Variants in NRXN1 observed in about 807,000 individuals in gnomAD.
NRXN1 encodes neurexin 1.
In NRXN1, 39 loss-of-function variants were observed where a neutral mutation model predicts 150.9. The observed-to-expected ratio is 0.26, with a 90% CI of 0.20 to 0.34. NRXN1 has a LOEUF of 0.34. Among genes scored for constraint, NRXN1 ranks in the 10% least tolerant of loss-of-function variants. NRXN1 has a pLI of 1.00. For synonymous variants in NRXN1, 924 were observed against 757.0 expected (o/e 1.22, Z -3.62); for missense variants, 1,815 against 1,949.9 (o/e 0.93, Z 1.30).
chr2:50,210,146 C>T (rs1915225), intron 18 of NRXN1, among the ~76,000 whole-genome samples: 35,083 of 151,798 alleles, frequency 0.23, 4,467 homozygotes, highest in East Asian at 0.43. Context: ...ATCACAAATT[C>T]GTGCATAAAC....
At chr2:50,041,868 C>A (rs1691025864) in intron 21 of NRXN1, among the ~76,000 whole-genome samples, 1 of 152,072 alleles carries the variant, frequency 6.6e-6, no homozygotes, top group Non-Finnish European at 1.5e-5. Context: ...CTCTAGTAAA[C>A]CTCTGGAACA....
chr2:50,505,601 G>A (rs1041404913), intron 13 of NRXN1, among the ~76,000 whole-genome samples: 47 of 152,122 alleles, frequency 3.1e-4, no homozygotes, highest in African/African-American at 1.1e-3. Context: ...GAACTCCAAT[G>A]ATACTCTTCT....
At chr2:50,745,246 C>A (rs1699870984) in intron 5 of NRXN1, among the ~76,000 whole-genome samples, 1 of 151,822 alleles carries the variant, frequency 6.6e-6, no homozygotes, top group Non-Finnish European at 1.5e-5. Context: ...TATCACAATA[C>A]TTGGTCCATA....
chr2:50,506,669 A>C, intron 12 of NRXN1, 52 bp from the exon 13 acceptor site: 1 of 1,598,132 alleles, frequency 6.3e-7, no homozygotes, highest in East Asian at 2.2e-5. Context: ...AGTCAAGCAA[A>C]TGAACCTCAC....
At chr2:50,239,035 G>A (rs1457054743) in intron 17 of NRXN1, among the ~76,000 whole-genome samples, 1 of 151,910 alleles carries the variant, frequency 6.6e-6, no homozygotes, top group Admixed American at 6.6e-5. Flanking sequence ...AATATACAGA[G>A]TGTAGATCAG....
intron 5 of NRXN1, among the ~76,000 whole-genome samples, chr2:50,773,836 A>C (rs1703292461): frequency 6.6e-6 from 1 of 152,226 alleles, no homozygotes; most frequent in East Asian, 1.9e-4. Flanking sequence ...TGGGTCACAC[A>C]GCTGGAATCA....
rs754290478 is a variant in NRXN1 at position 50,007,700 on chromosome 2, AT to A, written c.4128+45570del. Among the ~76,000 whole-genome samples, 4 of 152,226 alleles carry A rather than the reference AT, an allele frequency of 2.6e-5. No homozygotes were observed. In the South Asian group the frequency reaches 8.3e-4, roughly 32 times the overall value. The stretch of plus-strand genomic sequence containing the variant: ...AGTGCTACAATAAACATACATGTGC[AT>A]GTGTCTTTTATAGTAGAATGATTTA... On this transcript the variant is annotated intron_variant, in intron 21 of 22. Transcript: ENST00000401669.
chr2:50,422,259 T>A (rs1025065119), intron 17 of NRXN1, among the ~76,000 whole-genome samples: 2 of 152,162 alleles, frequency 1.3e-5, no homozygotes, highest in Non-Finnish European at 2.9e-5. Flanking sequence ...TGTAACATGA[T>A]AATCAACATA....
At chr2:50,026,226 A>G (rs984806594) in intron 21 of NRXN1, among the ~76,000 whole-genome samples, 2 of 152,218 alleles carry the variant, frequency 1.3e-5, no homozygotes, top group Non-Finnish European at 2.9e-5. Context: ...TTCAACATCT[A>G]TTCAAGTTTT....
chr2:50,353,341 A>G (rs2078560032), intron 17 of NRXN1, among the ~76,000 whole-genome samples: 1 of 152,100 alleles, frequency 6.6e-6, no homozygotes, highest in Non-Finnish European at 1.5e-5. Flanking sequence ...TCTTTTAATC[A>G]CTGTCAGCTT....
chr2:50,526,933 A>AT (rs1293941500), intron 12 of NRXN1: 3 of 152,206 alleles, frequency 2.0e-5, no homozygotes, highest in African/African-American at 7.2e-5. Context: ...GAGTCTCATG[A>AT]TATAAGCCAA....
intron 21 of NRXN1, among the ~76,000 whole-genome samples, chr2:50,000,548 AG>A (rs1683741554): frequency 6.6e-6 from 1 of 152,144 alleles, no homozygotes; most frequent in Non-Finnish European, 1.5e-5. Flanking sequence ...GGTGCTTAGA[AG>A]GAAAAAGTGA....
chr2:50,290,088 G>T (rs751983476), intron 17 of NRXN1, among the ~76,000 whole-genome samples: 24 of 152,182 alleles, frequency 1.6e-4, no homozygotes, highest in Non-Finnish European at 2.8e-4. Flanking sequence ...AACGATACCA[G>T]ACATTTTATC....
At chr2:50,693,388 A>C (rs72837028) in intron 5 of NRXN1, among the ~76,000 whole-genome samples, 7,121 of 152,212 alleles carry the variant, frequency 0.047, 441 homozygotes, top group East Asian at 0.23. Flanking sequence ...ATGTTAAACA[A>C]CTTGCCATAG....
chr2:49,943,630 G>T, intron 22 of NRXN1, 74 bp downstream of exon 22: 2 of 939,790 alleles, frequency 2.1e-6, no homozygotes, highest in South Asian at 2.8e-5. Flanking sequence ...TGAATATAAG[G>T]CCCTTCTAAG....
At chr2:50,181,850 G>A (rs190905247) in intron 18 of NRXN1, among the ~76,000 whole-genome samples, 84 of 151,974 alleles carry the variant, frequency 5.5e-4, no homozygotes, top group Non-Finnish European at 9.1e-4. Flanking sequence ...CATGGAAAAC[G>A]AGCATTGTTG....
chr2:50,368,045 C>T (rs987306432), intron 17 of NRXN1, among the ~76,000 whole-genome samples: 6 of 152,064 alleles, frequency 3.9e-5, no homozygotes, highest in African/African-American at 1.4e-4. Flanking sequence ...GGCATAAGAT[C>T]AATAGTTACA....
intron 18 of NRXN1, among the ~76,000 whole-genome samples, chr2:50,096,765 T>C (rs1700280994): frequency 6.6e-6 from 1 of 152,210 alleles, no homozygotes; most frequent in African/African-American, 2.4e-5. Context: ...GAATAAAGAT[T>C]ATATTATTAA....
intron 18 of NRXN1, among the ~76,000 whole-genome samples, chr2:50,098,839 T>TGG (rs1700606072): frequency 1.2e-4 from 1 of 8,178 alleles, no homozygotes; most frequent in African/African-American, 9.7e-4. Flanking sequence ...AGTTTTTTTT[T>TGG]TTTTTTTTTT....
Sources: gnomAD v4.1 joint callset for allele counts (sites outside exome capture counted in the v4.1 genomes callset) on GRCh38, gnomAD v4.1.1 for gene constraint, MANE v1.5 for transcripts, NCBI Gene and HGNC (gene_info 2026-07-23, HGNC 2026-07-21) for gene names.